The following HMG20A variants were observed in gnomAD, a reference collection of about 807,000 sequenced individuals.
HMG20A encodes high mobility group 20A.
HMG20A carries 17 observed loss-of-function variants against 43.9 expected under a neutral mutation model. The ratio of observed to expected loss-of-function variants is 0.39; its 90% CI spans 0.27 to 0.58. The LOEUF is 0.58. HMG20A is among the 20% of genes least tolerant of loss of function. The probability of loss-of-function intolerance (pLI) is 0.59; values close to 1 mark genes in which losing one functional copy is unlikely to be tolerated. For synonymous variants in HMG20A, 132 were observed against 147.5 expected, an observed-to-expected ratio of 0.89 and a Z score of 0.76; for missense variants, 341 against 438.2, an observed-to-expected ratio of 0.78 and a Z score of 1.98.
intron 1 of HMG20A, among the ~76,000 whole-genome samples, chr15:77,440,506 G>A (rs1235876810): frequency 6.6e-6 from 1 of 152,102 alleles, no homozygotes; most frequent in Non-Finnish European, 1.5e-5. Flanking sequence ...TATTTATATT[G>A]CTGTGGTAAT....
intron 1 of HMG20A, among the ~76,000 whole-genome samples, chr15:77,439,118 ATAACTT>A (rs1041692899): frequency 6.6e-6 from 1 of 152,216 alleles, no homozygotes; most frequent in Non-Finnish European, 1.5e-5. Flanking sequence ...ATTATAAAGA[ATAACTT>A]TACAATTGTC....
intron 2 of HMG20A, among the ~76,000 whole-genome samples, chr15:77,460,432 A>G (rs1185499603): frequency 1.3e-5 from 2 of 152,180 alleles, no homozygotes; most frequent in Admixed American, 1.3e-4. Context: ...CAAGTGTGGG[A>G]GGGAATTGTA....
chr15:77,450,559 A>T (rs1296272687), intron 1 of HMG20A, among the ~76,000 whole-genome samples: 1 of 152,230 alleles, frequency 6.6e-6, no homozygotes, highest in Admixed American at 6.5e-5. Context: ...TTCAGAATTC[A>T]TGTGCTACCA....
rs574954231 is a variant in HMG20A, at chr15:77,426,485, G to A, written c.-5+5481G>A. Among the ~76,000 whole-genome samples the A allele has an allele frequency of 2.6e-4, 39 of 152,234 alleles. 1 individual carries two copies. In the South Asian group the frequency reaches 6.4e-3, roughly 25 times the overall value. ...AAAATATGTTTACTATTTATTATTC[G>A]TTAAGTGGAAGTGGATTATCATAAA... On this transcript the variant is annotated intron_variant, in intron 1 of 9. Transcript: ENST00000336216.
At chr15:77,485,960 T>C (rs2072943312), downstream of HMG20A, among the ~76,000 whole-genome samples, 1 of 152,194 alleles carries the variant, frequency 6.6e-6, no homozygotes, top group African/African-American at 2.4e-5. Context: ...AAAAAAGTTC[T>C]ATTTCTGTTT....
intron 1 of HMG20A, among the ~76,000 whole-genome samples, chr15:77,453,331 G>A (rs1487596876): frequency 1.3e-5 from 2 of 152,122 alleles, no homozygotes; most frequent in African/African-American, 4.8e-5. Flanking sequence ...AAGAAAAAAT[G>A]CTTAACATCA....
At chr15:77,503,004 T>C in the HMG20A span, among the ~76,000 whole-genome samples, 15 of 152,122 alleles carry the variant, frequency 9.9e-5, no homozygotes, top group Non-Finnish European at 2.2e-4. Flanking sequence ...AAAATCAGTG[T>C]TGATGTACTC....
intron 1 of HMG20A, among the ~76,000 whole-genome samples, chr15:77,446,182 T>C (rs1226985536): frequency 6.6e-6 from 1 of 152,226 alleles, no homozygotes; most frequent in Non-Finnish European, 1.5e-5. Context: ...TGTATTAGGA[T>C]AATTAACAAT....
intron 1 of HMG20A, among the ~76,000 whole-genome samples, chr15:77,449,286 T>G (rs895945735): frequency 6.6e-6 from 1 of 152,024 alleles, no homozygotes; most frequent in African/African-American, 2.4e-5. Flanking sequence ...AAATTGCCTC[T>G]TCTCTCTCCT....
chr15:77,475,933 A>G (rs919443214), intron 6 of HMG20A, among the ~76,000 whole-genome samples: 3 of 152,194 alleles, frequency 2.0e-5, no homozygotes, highest in South Asian at 2.1e-4. Context: ...TTCATTTTCA[A>G]ATTATTCTGG....
rs185378573 is a variant in HMG20A, at chr15:77,478,790, C to A, written c.907+280C>A. ...AATTTGCTATTCAGAACACTGGAAA[C>A]TGAGTAGTAAATCTTGAGAGTGTTT... On this transcript the variant is annotated intron_variant, in intron 8 of 9. Coordinates refer to ENST00000336216, the MANE Select transcript of HMG20A (RefSeq NM_001304504.2). Among the ~76,000 whole-genome samples, 34 of 152,262 alleles carry A rather than the reference C, an allele frequency of 2.2e-4. No homozygotes were observed. The East Asian group carries it at 6.0e-3, about 27-fold the overall frequency.
chr15:77,462,599 C>CCA (rs34081893), intron 2 of HMG20A, among the ~76,000 whole-genome samples: 48,274 of 147,790 alleles, frequency 0.33, 8,666 homozygotes, highest in Non-Finnish European at 0.43. Flanking sequence ...GTGTGTCTGT[C>CCA]CACACACACA....
At chr15:77,430,035 A>G (rs959909339) in intron 1 of HMG20A, among the ~76,000 whole-genome samples, 14 of 152,234 alleles carry the variant, frequency 9.2e-5, no homozygotes, top group African/African-American at 3.1e-4. Context: ...TCTGAGCTTC[A>G]TCACTTACTA....
At chr15:77,425,177 A>T (rs986181226) in intron 1 of HMG20A, among the ~76,000 whole-genome samples, 4 of 152,198 alleles carry the variant, frequency 2.6e-5, no homozygotes, top group African/African-American at 9.6e-5. Context: ...TCTCCAGAGC[A>T]TTATACCTTT....
chr15:77,457,673 A>T (rs1244679294), intron 1 of HMG20A, among the ~76,000 whole-genome samples: 1 of 152,134 alleles, frequency 6.6e-6, no homozygotes, highest in Non-Finnish European at 1.5e-5. Flanking sequence ...AATTAAGCTT[A>T]GTTGTTTCCT....
At chr15:77,443,379 G>GATTATT (rs58715798) in intron 1 of HMG20A, among the ~76,000 whole-genome samples, 2,989 of 131,246 alleles carry the variant, frequency 0.023, 67 homozygotes, top group African/African-American at 0.04. Context: ...TGATGATGAT[G>GATTATT]ATTATTATTA....
At position 77,470,545 on chromosome 15, in the gene HMG20A, G is replaced by T. The variant is rs114297313; in HGVS notation, c.451-365G>T. ...TGGGAAGACTAAGTGTGCCTATGTG[G>T]TGTGCACATCTCATGAGGATGACTC... On this transcript the variant is annotated intron_variant, in intron 4 of 9. Transcript: ENST00000336216. 3.6e-3 allele frequency among the ~76,000 whole-genome samples: 546 copies of T among 152,234 alleles called. 2 individuals are homozygous for T. The highest frequency in any genetic ancestry group is 0.012 in the African/African-American group (510 of 41,538).
chr15:77,463,626 A>C (rs965615335), intron 2 of HMG20A, among the ~76,000 whole-genome samples: 7 of 152,194 alleles, frequency 4.6e-5, no homozygotes, highest in Non-Finnish European at 7.3e-5. Context: ...CTGGTTTGCT[A>C]ACTCATCTGG....
chr15:77,501,724 C>T, the HMG20A span, among the ~76,000 whole-genome samples: 4 of 152,146 alleles, frequency 2.6e-5, no homozygotes, highest in Non-Finnish European at 4.4e-5. Flanking sequence ...CCAGGTGTAC[C>T]CCCAGACCCT....
Sources: allele counts gnomAD v4.1 joint callset (sites outside exome capture counted in the v4.1 genomes callset), GRCh38; gene constraint gnomAD v4.1.1; transcripts MANE v1.5; gene names NCBI Gene and HGNC (gene_info 2026-07-23, HGNC 2026-07-21).